GOLM1: variants seen among roughly 807,000 people sequenced by gnomAD.
GOLM1 encodes the protein golgi membrane protein 1.
A neutral mutation model predicts 50.5 loss-of-function variants in GOLM1; 31 were observed. The ratio of observed to expected loss-of-function variants is 0.61; its 90% CI spans 0.46 to 0.83. GOLM1 has a LOEUF of 0.83. Ranked by LOEUF, GOLM1 falls within the 40% of genes least tolerant of loss-of-function variation. GOLM1 has a pLI of 0.00. For missense variants in GOLM1, 491 were observed against 501.3 expected (o/e 0.98, Z 0.20); for synonymous variants, 178 against 192.8 (o/e 0.92, Z 0.64).
chr9:86,080,616 G>C (rs1834754123), intron 1 of GOLM1, among the ~76,000 whole-genome samples: 1 of 152,070 alleles, frequency 6.6e-6, no homozygotes, highest in African/African-American at 2.4e-5. Flanking sequence ...TCACCAAAAG[G>C]CTTCTTTTTT....
intron 2 of GOLM1, among the ~76,000 whole-genome samples, chr9:86,078,601 G>GAGGTGCCAAGATC (rs1834691282): frequency 1.3e-5 from 2 of 152,138 alleles, no homozygotes; most frequent in African/African-American, 4.8e-5. Flanking sequence ...TGAGAGTTGG[G>GAGGTGCCAAGATC]AGGTGCCAAG....
chr9:86,082,381 C>CT (rs35328152), intron 1 of GOLM1, among the ~76,000 whole-genome samples: 90,939 of 141,180 alleles, frequency 0.64, 29,654 homozygotes, highest in African/African-American at 0.71. Context: ...CTTTTCTTTC[C>CT]TTTTTTTTTT....
At chr9:86,099,352 G>C (rs1835458156) in intron 1 of GOLM1, 59 bp downstream of exon 1, 1 of 151,742 alleles carries the variant, frequency 6.6e-6, no homozygotes. Context: ...CTGGGCAAAG[G>C]AGGGAGGAAG....
At chr9:86,086,080 A>C (rs1285488530) in intron 1 of GOLM1, among the ~76,000 whole-genome samples, 3 of 152,126 alleles carry the variant, frequency 2.0e-5, no homozygotes, top group Non-Finnish European at 4.4e-5. Context: ...ACTAACTTAC[A>C]CTCCGACCAA....
Position 86,046,697 on chromosome 9 carries a change from A to G in GOLM1, c.365-125T>C. The stretch of plus-strand genomic sequence containing the variant: ...GGGCAAGGACAGATTGGGACAAAGG[A>G]GGGGAGAGAGAAAAAGCTGAAAACA... On this transcript the variant is annotated intron_variant, in intron 4 of 9. Transcript: ENST00000388712. 4.4e-6 allele frequency: 3 copies of G among 675,898 alleles called. No individual in the cohort carries two copies. The South Asian group carries it at 5.0e-5, about 11-fold the overall frequency. The allele number at this position is 675,898 out of a possible 1,614,324, so 41.9% of individuals were successfully genotyped here.
rs7021862 is a variant in GOLM1 at position 86,026,297 on chromosome 9, G to A, written c.*1520C>T. On this transcript the variant is annotated 3_prime_UTR_variant, in exon 10 of 10. Transcript: ENST00000388712. Reference sequence around the variant, plus strand: ...GCTGGAAGAGGACTTAGAAGAGTATGAAAGTACTCTAAGATTTTATCTAAG... The same window carrying A: ...GCTGGAAGAGGACTTAGAAGAGTATAAAAGTACTCTAAGATTTTATCTAAG... The A allele has an allele frequency of 4.3e-3, 4,229 of 983,936 alleles. 146 individuals carry two copies. The African/African-American group carries it at 0.068, about 16-fold the overall frequency. The allele number at this position is 983,936 out of a possible 1,614,324, so 61.0% of individuals were successfully genotyped here.
Position 86,046,573 on chromosome 9 carries a change from C to T in GOLM1, c.365-1G>A, listed in dbSNP as rs1170304571. 103 of 1,594,022 alleles carry T rather than the reference C, an allele frequency of 6.5e-5. No homozygotes were observed. The highest frequency in any genetic ancestry group is 8.5e-5 in the Non-Finnish European group (99 of 1,163,632). On this transcript the variant is annotated splice_acceptor_variant, in intron 4 of 9. Transcript: ENST00000388712. LOFTEE classifies it high-confidence loss of function. ...TTCCTCTGCAGGGTCTTTAACTGGT[C>T]TACACCAAGGGGACAAGGAATTGCA...
At chr9:86,059,921 A>AAG in intron 3 of GOLM1, among the ~76,000 whole-genome samples, 1 of 151,272 alleles carries the variant, frequency 6.6e-6, no homozygotes, top group African/African-American at 2.4e-5. Context: ...AAAAAAAAAA[A>AAG]AAGTTTTGGA....
chr9:86,063,396 C>T (rs929746523), intron 3 of GOLM1, among the ~76,000 whole-genome samples: 7 of 152,102 alleles, frequency 4.6e-5, no homozygotes, highest in East Asian at 1.9e-4. Flanking sequence ...CTCCCACCTG[C>T]GGAAGAGGAG....
At chr9:86,041,397 G>A (rs183140004) in intron 5 of GOLM1, among the ~76,000 whole-genome samples, 3 of 152,286 alleles carry the variant, frequency 2.0e-5, no homozygotes, top group Non-Finnish European at 4.4e-5. Context: ...AGGGAGGAGT[G>A]GAGATTGAGT....
At chr9:86,075,175 ATC>A (rs1834575613) in intron 3 of GOLM1, among the ~76,000 whole-genome samples, 3 of 152,168 alleles carry the variant, frequency 2.0e-5, no homozygotes, top group Non-Finnish European at 4.4e-5. Flanking sequence ...CCCCGTCTTG[ATC>A]TCTGACTTCC....
chr9:86,027,595 A>C lies in GOLM1; in HGVS notation c.*222T>G. 1.5e-6 allele frequency: 2 copies of C among 1,313,046 alleles called. No homozygotes were observed. Among genetic ancestry groups the C allele is most frequent in the Non-Finnish European group, 1.9e-6 (2 of 1,034,476 alleles). 81.3% of individuals were successfully genotyped at this position (1,313,046 alleles called of 1,614,324 possible). ...TTCTCACGAAATACCTACTACCAAA[A>C]ATTGTGACACCTTATTAGACACTTC... On this transcript the variant is annotated 3_prime_UTR_variant, in exon 10 of 10. Transcript: ENST00000388712.
At chr9:86,068,441 T>C (rs989131571) in intron 3 of GOLM1, among the ~76,000 whole-genome samples, 3 of 152,236 alleles carry the variant, frequency 2.0e-5, no homozygotes, top group Non-Finnish European at 4.4e-5. Flanking sequence ...TGAGCGAGGA[T>C]GCTAACTCTC....
intron 9 of GOLM1, among the ~76,000 whole-genome samples, chr9:86,028,696 A>G (rs1389647526): frequency 6.6e-6 from 1 of 152,000 alleles, no homozygotes; most frequent in Non-Finnish European, 1.5e-5. Context: ...AGCTGTAACC[A>G]CTCAACCCTA....
At chr9:86,033,486 C>G in intron 8 of GOLM1, 91 bp from the exon 9 acceptor site, 1 of 771,332 alleles carries the variant, frequency 1.3e-6, no homozygotes, top group Non-Finnish European at 2.2e-6. Flanking sequence ...GTTAGCCATA[C>G]TTGCTCACAA....
intron 3 of GOLM1, among the ~76,000 whole-genome samples, chr9:86,065,473 T>C (rs1350548958): frequency 6.6e-6 from 1 of 152,022 alleles, no homozygotes; most frequent in Non-Finnish European, 1.5e-5. Flanking sequence ...TCGCTTTGGT[T>C]CCCCCAGAAG....
At chr9:86,071,804 G>A (rs1334837073) in intron 3 of GOLM1, among the ~76,000 whole-genome samples, 2 of 152,172 alleles carry the variant, frequency 1.3e-5, no homozygotes, top group South Asian at 2.1e-4. Flanking sequence ...CTCACTAAAA[G>A]GTCCCAAACT....
chr9:86,077,455 T>G lies in GOLM1; in HGVS notation c.266A>C (p.Asn89Thr), dbSNP rs767709554. 1.2e-6 allele frequency: 2 copies of G among 1,614,060 alleles called. No individual in the cohort carries two copies. The highest frequency in any genetic ancestry group is 1.3e-5 in the African/African-American group (1 of 74,928). ...EQLDKIQSSH[N>T]FQLESVNKLY... ...CTTGTTGACGCTCTCCAGCTGGAAG[T>G]TGTGGCTGGACTGGATTTTGTCAAG... Residue 89 changes from asparagine (N) to threonine (T), a missense_variant, in exon 3 of 10, where the codon AAC becomes ACC. Physicochemically the swap from Asn to Thr is moderately conservative, Grantham distance 65. Coordinates refer to ENST00000388712, the MANE Select transcript of GOLM1 (RefSeq NM_016548.4).
chr9:86,044,123 T>C (rs1833454537), intron 5 of GOLM1, among the ~76,000 whole-genome samples: 2 of 152,206 alleles, frequency 1.3e-5, no homozygotes, highest in African/African-American at 2.4e-5. Flanking sequence ...GCAGTGTCCC[T>C]GACCTCTACC....
Sources: gnomAD v4.1 joint callset for allele counts (sites outside exome capture counted in the v4.1 genomes callset) on GRCh38, gnomAD v4.1.1 for gene constraint, MANE v1.5 for transcripts, NCBI Gene and HGNC (gene_info 2026-07-23, HGNC 2026-07-21) for gene names.